TMPRSS6: variants seen among roughly 807,000 people sequenced by gnomAD.
The protein encoded by TMPRSS6 is transmembrane serine protease 6, also known as transmembrane protease serine 6.
Under a neutral mutation model 101.5 loss-of-function variants are expected in TMPRSS6, and 67 were observed. That is an observed-to-expected ratio of 0.66 (90% CI 0.54 to 0.81). The LOEUF is 0.81. Among genes scored for constraint, TMPRSS6 ranks in the 30% least tolerant of loss-of-function variants. TMPRSS6 has a pLI of 0.00. For synonymous variants in TMPRSS6, 453 were observed against 464.9 expected (o/e 0.97, Z 0.33); for missense variants, 1,034 against 1,088.7 (o/e 0.95, Z 0.71).
intron 3 of TMPRSS6, among the ~76,000 whole-genome samples, chr22:37,097,866 G>A (rs1239680708): frequency 2.0e-5 from 2 of 98,766 alleles, no homozygotes; most frequent in Non-Finnish European, 2.2e-5. Flanking sequence ...GTCCTGTAAC[G>A]GAGGGGGAGG....
At chr22:37,089,126 G>T in intron 7 of TMPRSS6, among the ~76,000 whole-genome samples, 1 of 152,126 alleles carries the variant, frequency 6.6e-6, no homozygotes, top group East Asian at 1.9e-4. Context: ...AGGCACGAGG[G>T]CCCGGCAGTG....
chr22:37,078,981 G>GAAAGAAAGAA (rs1555888514), intron 10 of TMPRSS6, among the ~76,000 whole-genome samples: 1 of 140,454 alleles, frequency 7.1e-6, no homozygotes, highest in Admixed American at 6.8e-5. Flanking sequence ...GAAAAAGAAA[G>GAAAGAAAGAA]AAAGAAAGAA....
chr22:37,098,953 G>A (rs140586049), intron 2 of TMPRSS6, among the ~76,000 whole-genome samples: 1 of 152,342 alleles, frequency 6.6e-6, no homozygotes, highest in African/African-American at 2.4e-5. Context: ...CCCACAGTGT[G>A]TGCTAACCAC....
rs143829465 is a variant in TMPRSS6, at chr22:37,091,340, G to A, written c.632-1558C>T. On this transcript the variant is annotated intron_variant, in intron 6 of 17. Coordinates refer to ENST00000676104, the MANE Select transcript of TMPRSS6 (RefSeq NM_001374504.1). Reference sequence around the variant, plus strand: ...CAGTCTGTTTTCTCTGCTTTAAATCGTCTTCTTTGGAAGGCCACAGGCAAG... The same window carrying A: ...CAGTCTGTTTTCTCTGCTTTAAATCATCTTCTTTGGAAGGCCACAGGCAAG... 4.5e-3 allele frequency among the ~76,000 whole-genome samples: 679 copies of A among 152,220 alleles called. 8 individuals carry two copies. The highest frequency in any genetic ancestry group is 0.016 in the African/African-American group (652 of 41,528).
chr22:37,075,330 T>C (rs1344787025), intron 10 of TMPRSS6, 50 bp from the exon 11 acceptor site: 8 of 1,609,686 alleles, frequency 5.0e-6, no homozygotes, highest in East Asian at 2.2e-5. Flanking sequence ...GTCTCCTGGG[T>C]CCCGTGCACA....
Position 37,070,497 on chromosome 22 carries a change from A to G in TMPRSS6, c.1828T>C (p.Phe610Leu). 1 of 1,613,480 alleles carries G rather than the reference A, an allele frequency of 6.2e-7. No homozygotes were observed. Residue 610 changes from phenylalanine to leucine, a missense_variant, in exon 15 of 18, where the codon TTC becomes CTC. Phe to Leu is a conservative substitution (Grantham distance 22). Coordinates refer to ENST00000676104, the MANE Select transcript of TMPRSS6 (RefSeq NM_001374504.1). ...DRWVITAAHC[F>L]QEDSMASTVL... ...CCTCCCGCTCACCTGTCCTCCTGGA[A>G]GCAGTGGGCAGCTGTTATCACCCAG... is the stretch of plus-strand genomic sequence containing the variant.
intron 13 of TMPRSS6, among the ~76,000 whole-genome samples, chr22:37,072,709 TGATG>T (rs1466538428): frequency 2.4e-4 from 30 of 125,118 alleles, no homozygotes; most frequent in African/African-American, 9.0e-4. Context: ...GACGGATGGA[TGATG>T]GATGGATGAT....
intron 7 of TMPRSS6, among the ~76,000 whole-genome samples, chr22:37,088,618 T>C (rs1928974141): frequency 6.9e-6 from 1 of 144,112 alleles, no homozygotes; most frequent in Non-Finnish European, 1.5e-5. Context: ...CCCAACCACC[T>C]GCCCTCTGAT....
chr22:37,077,886 T>C (rs1281108237), intron 10 of TMPRSS6, among the ~76,000 whole-genome samples: 1 of 152,222 alleles, frequency 6.6e-6, no homozygotes, highest in East Asian at 1.9e-4. Flanking sequence ...GGAGAGTGAC[T>C]GGGTCCTGAG....
chr22:37,098,492 T>C lies in TMPRSS6; in HGVS notation c.260A>G (p.Asn87Ser). 2 of 1,613,910 alleles carry C rather than the reference T, an allele frequency of 1.2e-6. No homozygotes were observed. The highest frequency in any genetic ancestry group is 1.7e-6 in the Non-Finnish European group (2 of 1,179,982). Residue 87 changes from asparagine (N) to serine (S), a missense_variant, in exon 3 of 18, where the codon AAT (asparagine) becomes AGT (serine). Physicochemically the swap from Asn to Ser is conservative, Grantham distance 46 (BLOSUM62 1). Transcript: ENST00000676104. ...QVYSGSLRVLNRHFSQDLTRR... is the reference protein window; with the variant it reads ...QVYSGSLRVLSRHFSQDLTRR... ...GGTAAGATCCTGGGAGAAGTGGCGA[T>C]TGAGTACACGCAGACTGCCTGAGTA...
intron 2 of TMPRSS6, among the ~76,000 whole-genome samples, chr22:37,099,398 G>A (rs1449318786): frequency 6.6e-6 from 1 of 152,172 alleles, no homozygotes; most frequent in African/African-American, 2.4e-5. Context: ...ATGAACAAGG[G>A]TAACCATGAA....
chr22:37,100,050 C>T (rs1930165706), intron 2 of TMPRSS6, among the ~76,000 whole-genome samples: 15 of 152,218 alleles, frequency 9.9e-5, no homozygotes, highest in Admixed American at 9.8e-4. Context: ...TCACCACAAC[C>T]TCTGCCTCCC....
intron 17 of TMPRSS6, 148 bp downstream of exon 17, chr22:37,066,675 TCTC>T (rs1926317621): frequency 3.8e-6 from 4 of 1,040,794 alleles, no homozygotes; most frequent in East Asian, 2.6e-5. Context: ...TAAGCCCCAG[TCTC>T]CTCTTCTGTA....
Position 37,069,097 on chromosome 22 carries a change from C to A in TMPRSS6, c.2089G>T (p.Gly697Cys). Residue 697 changes from glycine to cysteine, a missense_variant, in exon 16 of 18, where the codon GGC becomes TGC. Gly to Cys is a radical substitution (Grantham distance 159). Coordinates refer to ENST00000676104, the MANE Select transcript of TMPRSS6 (RefSeq NM_001374504.1). The surrounding 1 kb of genome is among the most constrained non-coding windows in gnomAD (Gnocchi z 4.8). ...FEPGLHCWIT[G>C]WGALREGGPI... ...CCGCCCTCGCGCAAGGCGCCCCAGCCCGTAATCCAGCAGTGCAGGCCGGGC... is the reference window on the plus strand; with the variant it reads ...CCGCCCTCGCGCAAGGCGCCCCAGCACGTAATCCAGCAGTGCAGGCCGGGC... 6.4e-7 allele frequency: 1 copy of A among 1,550,786 alleles called. No individual in the cohort carries two copies. Among genetic ancestry groups the A allele is most frequent in the Non-Finnish European group, 8.7e-7 (1 of 1,152,202 alleles).
intron 6 of TMPRSS6, among the ~76,000 whole-genome samples, chr22:37,092,112 A>G (rs1929322773): frequency 6.7e-6 from 1 of 148,218 alleles, no homozygotes; most frequent in African/African-American, 2.5e-5. Context: ...TTTTGAGACG[A>G]ATTCCGTGGA....
At chr22:37,098,605 G>A (rs1930037607) in intron 2 of TMPRSS6, 56 bp from the exon 3 acceptor site, 2 of 1,613,280 alleles carry the variant, frequency 1.2e-6, no homozygotes, top group Non-Finnish European at 8.5e-7. Flanking sequence ...AAAGTCTCCT[G>A]TCTCTTCCAT....
intron 6 of TMPRSS6, among the ~76,000 whole-genome samples, chr22:37,093,500 T>A (rs1929460612): frequency 2.0e-5 from 3 of 147,920 alleles, no homozygotes; most frequent in African/African-American, 7.5e-5. Context: ...TCTTCCGGGT[T>A]CAAGTGATTC....
In TMPRSS6 at chr22:37,086,330, C is replaced by T; in HGVS notation, c.926G>A (p.Ser309Asn). 16 of 1,614,096 alleles carry T rather than the reference C, an allele frequency of 9.9e-6. No homozygotes were observed. The highest frequency in any genetic ancestry group is 1.3e-5 in the Non-Finnish European group (15 of 1,179,992). ...MAVVWKKGLH[S>N]YYDPFVLSVQ... ...GGAGAGCACGAAGGGGTCGTAGTAG[C>T]TGTGCAGGCCCTTCTTCCAGACGAC... is the stretch of plus-strand genomic sequence containing the variant. The change falls in exon 8 of 18, where the codon AGC becomes AAC. Residue 309 changes from serine (S) to asparagine (N), a missense_variant. By Grantham distance (46) the Ser-to-Asn change is conservative. Transcript: ENST00000676104.
At position 37,066,167 on chromosome 22, in the gene TMPRSS6, C is replaced by T; in HGVS notation, c.2322G>A (p.Trp774Ter). ...GRWFLAGLVSWGLGCGRPNYF... is the reference protein window; with the variant it reads ...GRWFLAGLVS The stretch of plus-strand genomic sequence containing the variant: ...AGTTAGGCCGGCCACAGCCCAGGCC[C>T]CAGCTGACCAGCCCCGCCAGGAACC... Residue 774 changes from tryptophan to a stop codon, truncating the protein, a stop_gained, in exon 18 of 18, where the codon TGG (tryptophan) becomes TGA (stop). Coordinates refer to ENST00000676104, the MANE Select transcript of TMPRSS6 (RefSeq NM_001374504.1). LOFTEE classifies it high-confidence loss of function. 1 of 1,613,188 alleles carries T rather than the reference C, an allele frequency of 6.2e-7. No homozygotes were observed. The highest frequency in any genetic ancestry group is 8.5e-7 in the Non-Finnish European group (1 of 1,180,008).
Sources: allele counts gnomAD v4.1 joint callset (sites outside exome capture counted in the v4.1 genomes callset), GRCh38; gene constraint gnomAD v4.1.1; non-coding constraint Gnocchi (gnomAD v3.1); transcripts MANE v1.5; gene names NCBI Gene and HGNC (gene_info 2026-07-23, HGNC 2026-07-21).